The following SMS variants were observed in gnomAD, a reference collection of about 807,000 sequenced individuals.
SMS encodes spermine synthase, also known as spermidine aminopropyltransferase.
Under a neutral mutation model 33.0 loss-of-function variants are expected in SMS, and 3 were observed. That is an observed-to-expected ratio of 0.09 (90% CI 0.04 to 0.23). The LOEUF is 0.23. Ranked by LOEUF, SMS falls within the 10% of genes least tolerant of loss-of-function variation. The pLI is 1.00. For missense variants in SMS, 117 were observed against 288.6 expected (o/e 0.41, Z 4.31); for synonymous variants, 103 against 112.2 (o/e 0.92, Z 0.52).
chrX:21,990,123 T>A (rs1925660297), intron 9 of SMS, among the ~76,000 whole-genome samples: 1 of 111,726 alleles, frequency 9.0e-6, no homozygotes, highest in Admixed American at 9.5e-5. Context: ...GTCTCCTTGT[T>A]AGTTGACTTA....
At chrX:21,961,445 G>A (rs1923342422) in intron 1 of SMS, among the ~76,000 whole-genome samples, 1 of 110,562 alleles carries the variant, frequency 9.0e-6, no homozygotes, top group Non-Finnish European at 1.9e-5. Flanking sequence ...ACAGTGCTGG[G>A]AGCAGTTGCA....
At chrX:21,942,797 C>G (rs1427028864) in intron 1 of SMS, among the ~76,000 whole-genome samples, 1 of 106,231 alleles carries the variant, frequency 9.4e-6, no homozygotes, top group Non-Finnish European at 1.9e-5. Flanking sequence ...TGTGAACACT[C>G]ACCTGTATTT....
intron 7 of SMS, among the ~76,000 whole-genome samples, chrX:21,981,521 C>T (rs774183653): frequency 9.9e-5 from 11 of 111,190 alleles, no homozygotes; most frequent in African/African-American, 3.6e-4. Context: ...CTATAAGGCA[C>T]GATAATCAAA....
intron 4 of SMS, among the ~76,000 whole-genome samples, chrX:21,972,832 C>A (rs749724022): frequency 9.5e-6 from 1 of 105,506 alleles, no homozygotes; most frequent in African/African-American, 3.5e-5. Context: ...TGGCCTGAAC[C>A]GAGGAGGCAG....
chrX:21,949,677 A>G (rs747828583), intron 1 of SMS, among the ~76,000 whole-genome samples: 5 of 112,123 alleles, frequency 4.5e-5, no homozygotes, highest in Non-Finnish European at 9.4e-5. Context: ...TTAATTCTGA[A>G]TTCTCCCTTC....
At chrX:21,974,978 TC>T (rs753463599) in intron 4 of SMS, among the ~76,000 whole-genome samples, 1 of 110,170 alleles carries the variant, frequency 9.1e-6, no homozygotes, top group East Asian at 2.8e-4. Context: ...ATAAGTTAAG[TC>T]TGAATTTTCG....
chrX:21,982,894 T>G (rs1486481643), intron 7 of SMS, among the ~76,000 whole-genome samples: 1 of 112,307 alleles, frequency 8.9e-6, no homozygotes, highest in Non-Finnish European at 1.9e-5. Flanking sequence ...TTTTCCATAG[T>G]TGGACTTGTA....
At chrX:21,959,805 G>C in intron 1 of SMS, 1 of 312,788 alleles carries the variant, frequency 3.2e-6, no homozygotes, top group Non-Finnish European at 4.3e-6. Context: ...AGGATCTGGG[G>C]TTTAGGGGAA....
chrX:21,990,894 C>T (rs927082704), intron 9 of SMS, among the ~76,000 whole-genome samples: 4 of 112,574 alleles, frequency 3.6e-5, no homozygotes, highest in Non-Finnish European at 7.5e-5. Flanking sequence ...AACCAAATTA[C>T]ATGCTGGCGA....
At position 21,994,651 on chromosome X, in the gene SMS, T is replaced by C; in HGVS notation, c.*300T>C. The C allele has an allele frequency of 9.4e-6, 8 of 847,749 alleles. No homozygotes were observed. The highest frequency in any genetic ancestry group is 1.1e-5 in the Non-Finnish European group (8 of 699,446). The allele number at this position is 847,749 out of a possible 1,213,427, so 69.9% of individuals were successfully genotyped here. On this transcript the variant is annotated 3_prime_UTR_variant, in exon 11 of 11. Coordinates refer to ENST00000404933, the MANE Select transcript of SMS (RefSeq NM_004595.5). ...CTTTTTATTTCTCTGTGGGCTTTTGTTTTTGTTTTTGTTTTGGTAGATCTT... is the reference window on the plus strand; with the variant it reads ...CTTTTTATTTCTCTGTGGGCTTTTGCTTTTGTTTTTGTTTTGGTAGATCTT...
chrX:21,962,690 C>G (rs989678581), intron 1 of SMS, among the ~76,000 whole-genome samples: 1 of 111,684 alleles, frequency 9.0e-6, no homozygotes, highest in African/African-American at 3.3e-5. Flanking sequence ...TAGGGTCTCA[C>G]TGTTGCCCAG....
At chrX:21,970,816 G>A (rs185843893) in intron 2 of SMS, among the ~76,000 whole-genome samples, 23 of 100,781 alleles carry the variant, frequency 2.3e-4, no homozygotes, top group Non-Finnish European at 1.8e-4. Context: ...TTCTAATTTA[G>A]TATTTTTCAA....
rs555711283 is a variant in SMS at position 21,951,743 on chromosome X, T to A, written c.49+10870T>A. On this transcript the variant is annotated intron_variant, in intron 1 of 10. Coordinates refer to ENST00000404933, the MANE Select transcript of SMS (RefSeq NM_004595.5). Reference sequence around the variant, plus strand: ...TTTTGTCAGGTTTAGGGGCTTTTTTTTTTTTTAAGCATTTTGTGACTGCTA... The same window carrying A: ...TTTTGTCAGGTTTAGGGGCTTTTTTATTTTTTAAGCATTTTGTGACTGCTA... Among the ~76,000 whole-genome samples, 17 of 110,103 alleles carry A rather than the reference T, an allele frequency of 1.5e-4. No individual in the cohort carries two copies. The South Asian group carries it at 6.5e-3, about 42-fold the overall frequency.
chrX:21,973,205 G>A (rs1333148291), intron 4 of SMS, among the ~76,000 whole-genome samples: 1 of 112,361 alleles, frequency 8.9e-6, no homozygotes, highest in Non-Finnish European at 1.9e-5. Context: ...CCTCATCAAA[G>A]GGAGCTAGAA....
chrX:21,959,120 T>A (rs2147500067), intron 1 of SMS, among the ~76,000 whole-genome samples: 1 of 112,246 alleles, frequency 8.9e-6, no homozygotes, highest in African/African-American at 3.2e-5. Flanking sequence ...GCAGCTGTTG[T>A]AAAAAGGACT....
At chrX:21,949,376 T>G (rs1335682706) in intron 1 of SMS, among the ~76,000 whole-genome samples, 1 of 112,173 alleles carries the variant, frequency 8.9e-6, no homozygotes, top group Non-Finnish European at 1.9e-5. Context: ...ACTTTGAAAT[T>G]GTGCCAGTGG....
chrX:21,969,364 C>T (rs1464458348), intron 2 of SMS, among the ~76,000 whole-genome samples: 1 of 112,116 alleles, frequency 8.9e-6, no homozygotes, highest in African/African-American at 3.2e-5. Context: ...AAACCCTCCT[C>T]TCCCCTGTGT....
At chrX:21,972,177 C>G (rs1192631746) in intron 3 of SMS, among the ~76,000 whole-genome samples, 187 bp downstream of exon 3, 3 of 112,347 alleles carry the variant, frequency 2.7e-5, no homozygotes, top group African/African-American at 9.7e-5. Context: ...TCAGCGTTCC[C>G]TTTTAACTGC....
chrX:21,985,629 A>G (rs377214305), intron 9 of SMS, among the ~76,000 whole-genome samples: 91 of 111,928 alleles, frequency 8.1e-4, no homozygotes, highest in African/African-American at 2.8e-3. Context: ...ATATACATAT[A>G]TATCTCCTAT....
Sources: gnomAD v4.1 joint callset for allele counts (sites outside exome capture counted in the v4.1 genomes callset) on GRCh38, gnomAD v4.1.1 for gene constraint, MANE v1.5 for transcripts, NCBI Gene and HGNC (gene_info 2026-07-23, HGNC 2026-07-21) for gene names.